Variants in ZC3H11A observed in about 807,000 individuals in gnomAD.
ZC3H11A encodes zinc finger CCCH-type containing 11A.
ZC3H11A carries 22 observed loss-of-function variants against 90.8 expected under a neutral mutation model. The ratio of observed to expected loss-of-function variants is 0.24; its 90% CI spans 0.17 to 0.35. The LOEUF (loss-of-function observed/expected upper bound fraction) is 0.35, where lower values mean the gene tolerates loss of function less well. Among genes scored for constraint, ZC3H11A ranks in the 10% least tolerant of loss-of-function variants. The probability of loss-of-function intolerance (pLI) is 1.00; values close to 1 mark genes in which losing one functional copy is unlikely to be tolerated. For missense variants in ZC3H11A, 701 were observed against 964.9 expected (o/e 0.73, Z 3.62); for synonymous variants, 294 against 339.8 (o/e 0.87, Z 1.48).
chr1:203,849,765 G>A lies in ZC3H11A; in HGVS notation c.1678G>A (p.Glu560Lys), dbSNP rs368114391. ...CACTAAAATTCAAGTCAAGAGATGT[G>A]AGACCATGAGAGAGAAGCACATGCA... is the stretch of plus-strand genomic sequence containing the variant. ...DITKIQVKRC[E>K]TMREKHMQKQ... Residue 560 changes from glutamate (E) to lysine (K), a missense_variant, in exon 15 of 18, where the codon GAG becomes AAG. Physicochemically the swap from Glu to Lys is moderately conservative, Grantham distance 56. Transcript: ENST00000367210. 1.2e-5 allele frequency: 19 copies of A among 1,613,800 alleles called. No homozygotes were observed. The highest frequency in any genetic ancestry group is 1.5e-5 in the Non-Finnish European group (18 of 1,179,880).
chr1:203,844,726 A>G (rs1400008359), intron 12 of ZC3H11A, among the ~76,000 whole-genome samples: 1 of 152,108 alleles, frequency 6.6e-6, no homozygotes, highest in Non-Finnish European at 1.5e-5. Context: ...GTATGGACTG[A>G]AGATGGGAGG....
Position 203,852,185 on chromosome 1 carries a change from C to T in ZC3H11A, c.2219C>T (p.Pro740Leu), listed in dbSNP as rs778059892. The T allele has an allele frequency of 1.9e-5, 30 of 1,613,532 alleles. No homozygotes were observed. Among genetic ancestry groups the T allele is most frequent in the African/African-American group, 2.7e-5 (2 of 74,786 alleles). ...PTQSSSDSSP[P>L]EVSGPSSSQM... ...CAGTCCTCTTCAGATTCCTCACCCC[C>T]GGAGGTGTCTGGCCCTTCCTCATCC... Residue 740 changes from proline to leucine, a missense_variant, in exon 18 of 18, where the codon CCG (proline) becomes CTG (leucine). Pro to Leu is a moderately conservative substitution (Grantham distance 98). Transcript: ENST00000367210.
At chr1:203,851,158 A>T in intron 17 of ZC3H11A, 34 bp downstream of exon 17, 1 of 1,600,932 alleles carries the variant, frequency 6.2e-7, no homozygotes, top group Non-Finnish European at 8.6e-7. Context: ...AACAAACTCC[A>T]GGCCCCTGTT....
At chr1:203,831,894 T>G (rs571350276) in intron 9 of ZC3H11A, 123 bp downstream of exon 9, 30 of 730,588 alleles carry the variant, frequency 4.1e-5, no homozygotes, top group African/African-American at 4.1e-4. Flanking sequence ...GCTGATGAGA[T>G]AATCTAAAGA....
intron 2 of ZC3H11A, among the ~76,000 whole-genome samples, chr1:203,809,587 T>C (rs1673637643): frequency 6.6e-6 from 1 of 152,174 alleles, no homozygotes; most frequent in African/African-American, 2.4e-5. Context: ...CATTAACTTC[T>C]AGAGAGTGGG....
intron 2 of ZC3H11A, chr1:203,805,718 C>T (rs1672090281): frequency 1.5e-6 from 1 of 661,454 alleles, no homozygotes; most frequent in Non-Finnish European, 2.9e-6. Context: ...GGTGCAGATG[C>T]TGGCTCATCT....
chr1:203,831,288 C>T (rs1330041036), intron 8 of ZC3H11A, among the ~76,000 whole-genome samples: 1 of 151,958 alleles, frequency 6.6e-6, no homozygotes, highest in African/African-American at 2.4e-5. Flanking sequence ...TTTATAGCAA[C>T]CTTGGAGTTG....
At chr1:203,836,025 CAGGGTTCCAAATT>C in intron 10 of ZC3H11A, 1 of 153,822 alleles carries the variant, frequency 6.5e-6, no homozygotes, top group South Asian at 2.0e-4. Flanking sequence ...CAAACCAAAC[CAGGGTTCCAAATT>C]AATAGGACTT....
rs1346237895 is a variant in ZC3H11A at position 203,809,208 on chromosome 1, C to T, written c.-146+6192C>T. On this transcript the variant is annotated intron_variant, in intron 2 of 17. Transcript: ENST00000367210. ...TTTTTTTTTTTGAGATGGAGTCTTG[C>T]TTTGTCTCCCAGGCTGGAGTGCAGT... 2.9e-4 allele frequency among the ~76,000 whole-genome samples: 26 copies of T among 89,828 alleles called. No individual in the cohort carries two copies. The Admixed American group carries it at 3.2e-3, about 11-fold the overall frequency. The allele number at this position is 89,828 out of a possible 152,430, so 58.9% of individuals were successfully genotyped here.
At chr1:203,823,598 C>T (rs1192737058) in intron 4 of ZC3H11A, among the ~76,000 whole-genome samples, 1 of 152,230 alleles carries the variant, frequency 6.6e-6, no homozygotes, top group Non-Finnish European at 1.5e-5. Flanking sequence ...GTCCCAGATG[C>T]TAGCCAAGAG....
chr1:203,805,817 A>T (rs1327177540), intron 2 of ZC3H11A: 1 of 864,100 alleles, frequency 1.2e-6, no homozygotes, highest in Admixed American at 1.8e-5. Flanking sequence ...GGGCCGCCAT[A>T]ACTGCGACTC....
At chr1:203,798,607 A>C in intron 1 of ZC3H11A, 1 of 1,536,126 alleles carries the variant, frequency 6.5e-7, no homozygotes, top group Non-Finnish European at 8.7e-7. Context: ...ACAGCTGAGG[A>C]CCTTAGTGAC....
chr1:203,818,324 T>A lies in ZC3H11A; in HGVS notation c.55-246T>A, dbSNP rs1265619741. ...GACCTAACACTCCTACTTGTCTTTT[T>A]CAACTCTTTTTTTCAGCTTGTGTCA... On this transcript the variant is annotated intron_variant, in intron 3 of 17. Coordinates refer to ENST00000367210, the MANE Select transcript of ZC3H11A (RefSeq NM_001376342.1). 3.7e-3 allele frequency among the ~76,000 whole-genome samples: 554 copies of A among 150,970 alleles called. 4 individuals carry two copies. Among genetic ancestry groups the A allele is most frequent in the Non-Finnish European group, 6.7e-3 (448 of 67,030 alleles).
At chr1:203,830,056 A>C in intron 7 of ZC3H11A, 67 bp from the exon 8 acceptor site, 1 of 1,375,852 alleles carries the variant, frequency 7.3e-7, no homozygotes, top group Non-Finnish European at 1.0e-6. Flanking sequence ...AATGCCTGCT[A>C]TGTACAGATA....
intron 4 of ZC3H11A, among the ~76,000 whole-genome samples, chr1:203,825,392 A>G (rs1445021315): frequency 1.3e-5 from 2 of 151,224 alleles, no homozygotes; most frequent in Non-Finnish European, 2.9e-5. Flanking sequence ...AAAAATGTGA[A>G]GACATAATTA....
At position 203,853,138 on chromosome 1, in the gene ZC3H11A, A is replaced by G. The variant is rs982984742; in HGVS notation, c.*739A>G. The G allele has an allele frequency of 4.0e-5, 6 of 151,762 alleles. No individual in the cohort carries two copies. Among genetic ancestry groups the G allele is most frequent in the African/African-American group, 1.5e-4 (6 of 41,232 alleles). 9.4% of individuals were successfully genotyped at this position (151,762 alleles called of 1,614,324 possible). Reference sequence around the variant, plus strand: ...TGGATTCATTATATGAGATGGTGACATGATTAGAGGAATTCTTTTTTAGTA... The same window carrying G: ...TGGATTCATTATATGAGATGGTGACGTGATTAGAGGAATTCTTTTTTAGTA... On this transcript the variant is annotated 3_prime_UTR_variant, in exon 18 of 18. Coordinates refer to ENST00000367210, the MANE Select transcript of ZC3H11A (RefSeq NM_001376342.1).
At chr1:203,810,666 G>T (rs1001324528) in intron 2 of ZC3H11A, among the ~76,000 whole-genome samples, 1 of 152,042 alleles carries the variant, frequency 6.6e-6, no homozygotes, top group African/African-American at 2.4e-5. Context: ...TGATCCACCC[G>T]CCTCGGACTC....
intron 4 of ZC3H11A, among the ~76,000 whole-genome samples, chr1:203,825,990 A>T (rs1406893401): frequency 6.6e-6 from 1 of 152,222 alleles, no homozygotes; most frequent in Non-Finnish European, 1.5e-5. Context: ...TGTATAGAAG[A>T]TACTGTTACA....
chr1:203,840,133 T>G lies in ZC3H11A; in HGVS notation c.974-173T>G, dbSNP rs563605318. On this transcript the variant is annotated intron_variant, in intron 11 of 17. Transcript: ENST00000367210. Reference sequence around the variant, plus strand: ...TTTGCAATTTTAGTAGAGATGGGGTTTCACCATGTTGGCCAGGCTGGCCTT... The same window carrying G: ...TTTGCAATTTTAGTAGAGATGGGGTGTCACCATGTTGGCCAGGCTGGCCTT... Among the ~76,000 whole-genome samples the G allele has an allele frequency of 3.9e-5, 6 of 152,056 alleles. No homozygotes were observed. In the East Asian group the frequency reaches 1.2e-3, roughly 29 times the overall value.
Sources: gnomAD v4.1 joint callset for allele counts (sites outside exome capture counted in the v4.1 genomes callset) on GRCh38, gnomAD v4.1.1 for gene constraint, MANE v1.5 for transcripts, NCBI Gene and HGNC (gene_info 2026-07-23, HGNC 2026-07-21) for gene names.